Variants in SGCZ observed in about 807,000 individuals in gnomAD.
SGCZ encodes sarcoglycan zeta, also known as zeta-sarcoglycan.
Under a neutral mutation model 41.3 loss-of-function variants are expected in SGCZ, and 40 were observed. The ratio of observed to expected loss-of-function variants is 0.97; its 90% confidence interval spans 0.75 to 1.26. The LOEUF is 1.26. Ranked by LOEUF, SGCZ falls within the 50% of genes most tolerant of loss-of-function variation. The probability of loss-of-function intolerance (pLI) is 0.00; values close to 1 mark genes in which losing one functional copy is unlikely to be tolerated. For missense variants in SGCZ, 552 were observed against 369.8 expected (o/e 1.49, Z -4.04); for synonymous variants, 206 against 137.5 (o/e 1.50, Z -3.49).
chr8:14,645,766 A>C (rs781141523), intron 1 of SGCZ, among the ~76,000 whole-genome samples: 2 of 151,812 alleles, frequency 1.3e-5, no homozygotes, highest in South Asian at 4.1e-4. Context: ...TAAGTTACCA[A>C]ATAATATCTG....
chr8:14,884,570 T>C (rs1804720780), intron 1 of SGCZ, among the ~76,000 whole-genome samples: 1 of 151,852 alleles, frequency 6.6e-6, no homozygotes, highest in Non-Finnish European at 1.5e-5. Context: ...AAAGGAGAAA[T>C]CAAAATTAGA....
intron 3 of SGCZ, among the ~76,000 whole-genome samples, chr8:14,289,256 T>A (rs143574083): frequency 1.3e-5 from 2 of 151,822 alleles, no homozygotes; most frequent in African/African-American, 2.4e-5. Context: ...CTTTAATGAG[T>A]ATTTTTTTAA....
At chr8:14,501,906 T>C (rs1160315646) in intron 2 of SGCZ, among the ~76,000 whole-genome samples, 2 of 152,064 alleles carry the variant, frequency 1.3e-5, no homozygotes, top group South Asian at 2.1e-4. Flanking sequence ...TATATTGAAA[T>C]AAAAATCACT....
intron 1 of SGCZ, among the ~76,000 whole-genome samples, chr8:14,928,075 G>C (rs558250495): frequency 3.3e-5 from 5 of 152,290 alleles, no homozygotes; most frequent in African/African-American, 7.2e-5. Context: ...TTAGGGTGCA[G>C]TCCTTCCTAA....
intron 1 of SGCZ, among the ~76,000 whole-genome samples, chr8:15,199,132 C>G (rs1800820301): frequency 6.6e-6 from 1 of 152,094 alleles, no homozygotes; most frequent in Non-Finnish European, 1.5e-5. Context: ...GAAATGATAC[C>G]CGACATTCTA....
chr8:14,304,301 A>G (rs917509494), intron 3 of SGCZ, among the ~76,000 whole-genome samples: 1 of 151,952 alleles, frequency 6.6e-6, no homozygotes, highest in East Asian at 2.0e-4. Flanking sequence ...AAAATTTTAA[A>G]AAATTAAAAA....
At chr8:15,091,277 C>A (rs1806146517) in intron 1 of SGCZ, among the ~76,000 whole-genome samples, 1 of 152,214 alleles carries the variant, frequency 6.6e-6, no homozygotes, top group Admixed American at 6.5e-5. Context: ...AACTTAGCCT[C>A]CTGAGTAGCT....
At chr8:15,113,340 T>C (rs140062658) in intron 1 of SGCZ, among the ~76,000 whole-genome samples, 48 of 152,292 alleles carry the variant, frequency 3.2e-4, no homozygotes, top group African/African-American at 1.1e-3. Flanking sequence ...ATTGAAGTTC[T>C]CTATTCATCT....
rs1396286694 is a variant in SGCZ, at chr8:14,621,356, C to T, written c.40-66430G>A. ...AATGTAAATGACAAGTTAACGGGTGCAGCACACCAACATGGCACATGTATA... is the reference window on the plus strand; with the variant it reads ...AATGTAAATGACAAGTTAACGGGTGTAGCACACCAACATGGCACATGTATA... On this transcript the variant is annotated intron_variant, in intron 1 of 7. Coordinates refer to ENST00000382080, the MANE Select transcript of SGCZ (RefSeq NM_139167.4). Among the ~76,000 whole-genome samples the T allele has an allele frequency of 2.6e-5, 4 of 151,610 alleles. No homozygotes were observed. The South Asian group carries it at 8.4e-4, about 32-fold the overall frequency.
intron 2 of SGCZ, among the ~76,000 whole-genome samples, chr8:14,438,402 T>A (rs2117359265): frequency 6.6e-6 from 1 of 152,110 alleles, no homozygotes; most frequent in African/African-American, 2.4e-5. Context: ...CTCTTTGTTT[T>A]CACACCCAAA....
chr8:14,251,125 G>C (rs983490429), intron 3 of SGCZ, among the ~76,000 whole-genome samples: 1 of 152,120 alleles, frequency 6.6e-6, no homozygotes, highest in Admixed American at 6.5e-5. Flanking sequence ...CTACTCGGGA[G>C]GCCAAGGCAA....
chr8:15,093,945 T>C (rs1238794126), intron 1 of SGCZ, among the ~76,000 whole-genome samples: 1 of 152,146 alleles, frequency 6.6e-6, no homozygotes, highest in Non-Finnish European at 1.5e-5. Flanking sequence ...CCTTGGGATA[T>C]AGCAGTGTGT....
chr8:14,618,382 G>T (rs1481080852), intron 1 of SGCZ, among the ~76,000 whole-genome samples: 1 of 152,136 alleles, frequency 6.6e-6, no homozygotes, highest in Non-Finnish European at 1.5e-5. Flanking sequence ...GGGACTCAAA[G>T]GAGTCCATGA....
At chr8:15,046,089 G>T (rs1333781837) in intron 1 of SGCZ, among the ~76,000 whole-genome samples, 1 of 151,796 alleles carries the variant, frequency 6.6e-6, no homozygotes, top group African/African-American at 2.4e-5. Flanking sequence ...TTCTATTTTG[G>T]CTACTTGCCT....
At chr8:14,386,885 AT>A (rs1284111193) in intron 2 of SGCZ, among the ~76,000 whole-genome samples, 1 of 152,196 alleles carries the variant, frequency 6.6e-6, no homozygotes, top group Non-Finnish European at 1.5e-5. Context: ...TCTAGTTAGC[AT>A]ATTTTGATGA....
intron 4 of SGCZ, among the ~76,000 whole-genome samples, chr8:14,185,091 C>G (rs370789427): frequency 1.9e-4 from 29 of 152,198 alleles, no homozygotes; most frequent in South Asian, 4.1e-4. Context: ...AATTTTTCCA[C>G]GTCAAGCATT....
intron 6 of SGCZ, among the ~76,000 whole-genome samples, chr8:14,107,933 G>A (rs753108972): frequency 3.3e-5 from 5 of 152,076 alleles, no homozygotes; most frequent in East Asian, 1.9e-4. Flanking sequence ...GTGAGCCACC[G>A]TGCCCGGCCT....
intron 1 of SGCZ, among the ~76,000 whole-genome samples, chr8:14,973,632 T>A (rs566047385): frequency 1.3e-5 from 2 of 152,278 alleles, no homozygotes; most frequent in East Asian, 3.9e-4. Context: ...GAGATCAGTG[T>A]CCCACAATCA....
intron 1 of SGCZ, among the ~76,000 whole-genome samples, chr8:15,101,775 T>C (rs144623228): frequency 6.6e-6 from 1 of 151,918 alleles, no homozygotes; most frequent in Non-Finnish European, 1.5e-5. Flanking sequence ...ACTAAAAATA[T>C]AAAAATTAGC....
Sources: gnomAD v4.1 joint callset for allele counts (sites outside exome capture counted in the v4.1 genomes callset) on GRCh38, gnomAD v4.1.1 for gene constraint, MANE v1.5 for transcripts, NCBI Gene and HGNC (gene_info 2026-07-23, HGNC 2026-07-21) for gene names.